The following GAS7 variants were observed in gnomAD, a reference collection of about 807,000 sequenced individuals.
GAS7 encodes growth arrest-specific protein 7.
Under a neutral mutation model 71.1 loss-of-function variants are expected in GAS7, and 28 were observed. The ratio of observed to expected loss-of-function variants is 0.39; its 90% CI spans 0.29 to 0.54. The LOEUF (loss-of-function observed/expected upper bound fraction) is 0.54, where lower values mean the gene tolerates loss of function less well. Among genes scored for constraint, GAS7 ranks in the 20% least tolerant of loss-of-function variants. The pLI is 0.62. For synonymous variants in GAS7, 258 were observed against 245.8 expected (o/e 1.05, Z -0.46); for missense variants, 436 against 627.8 (o/e 0.69, Z 3.27).
intron 1 of GAS7, among the ~76,000 whole-genome samples, chr17:10,191,737 T>C (rs1158990179): frequency 6.6e-6 from 1 of 151,370 alleles, no homozygotes; most frequent in Non-Finnish European, 1.5e-5. Context: ...TAGCCAGGCA[T>C]GGTGGTGGAA....
At chr17:9,945,825 A>C (rs1043281615) in intron 6 of GAS7, among the ~76,000 whole-genome samples, 27 of 151,928 alleles carry the variant, frequency 1.8e-4, no homozygotes, top group African/African-American at 6.3e-4. Flanking sequence ...ATAAAATAAA[A>C]TACAAAAAAT....
In GAS7 at chr17:9,934,204, C is replaced by T; in HGVS notation, c.847G>A (p.Ala283Thr). 6.2e-7 allele frequency: 1 copy of T among 1,613,234 alleles called. No homozygotes were observed. The highest frequency in any genetic ancestry group is 8.5e-7 in the Non-Finnish European group (1 of 1,179,324). Residue 283 changes from alanine (A) to threonine (T), a missense_variant, in exon 9 of 14, where the codon GCG (alanine) becomes ACG (threonine). By Grantham distance (58) the Ala-to-Thr change is moderately conservative (BLOSUM62 0). Transcript: ENST00000432992. ...EAWAQVKKSLADEAEVHLKFS... is the reference protein window; with the variant it reads ...EAWAQVKKSLTDEAEVHLKFS... ...TTGAGGTGAACTTCTGCTTCGTCCGCCAGGCTCTTCTTCACCTGGGCCCAC... is the reference window on the plus strand; with the variant it reads ...TTGAGGTGAACTTCTGCTTCGTCCGTCAGGCTCTTCTTCACCTGGGCCCAC...
chr17:10,185,661 T>A (rs77154194), intron 1 of GAS7, among the ~76,000 whole-genome samples: 9,524 of 152,252 alleles, frequency 0.063, 492 homozygotes, highest in East Asian at 0.18. Flanking sequence ...TAAGTGACAC[T>A]ACTTGACATA....
At chr17:9,979,257 T>G (rs1472734271) in intron 3 of GAS7, among the ~76,000 whole-genome samples, 1 of 152,178 alleles carries the variant, frequency 6.6e-6, no homozygotes, top group Non-Finnish European at 1.5e-5. Flanking sequence ...ATCCCAAGGA[T>G]TCCACCTTAG....
At chr17:10,031,489 C>T (rs939559013) in intron 1 of GAS7, among the ~76,000 whole-genome samples, 1 of 152,176 alleles carries the variant, frequency 6.6e-6, no homozygotes, top group Non-Finnish European at 1.5e-5. Context: ...ATGAGTTGGA[C>T]GGCCCCTCCT....
intron 6 of GAS7, among the ~76,000 whole-genome samples, chr17:9,944,207 TG>T (rs2068708748): frequency 6.6e-6 from 1 of 152,234 alleles, no homozygotes; most frequent in Non-Finnish European, 1.5e-5. Flanking sequence ...CGCACGGCCG[TG>T]GCTGCTGGAG....
chr17:10,171,612 T>C (rs78369209), intron 1 of GAS7, among the ~76,000 whole-genome samples: 4,381 of 152,274 alleles, frequency 0.029, 224 homozygotes, highest in African/African-American at 0.1. Context: ...GCATAAGGAT[T>C]CATTTCCCAT....
At chr17:9,931,922 G>A (rs573174876) in intron 9 of GAS7, among the ~76,000 whole-genome samples, 1 of 152,224 alleles carries the variant, frequency 6.6e-6, no homozygotes, top group African/African-American at 2.4e-5. Context: ...GGGGTACATC[G>A]TATGGGATCC....
chr17:9,930,665 T>TA (rs138409687), intron 9 of GAS7, among the ~76,000 whole-genome samples: 317 of 152,320 alleles, frequency 2.1e-3, no homozygotes, highest in African/African-American at 7.4e-3. Flanking sequence ...TTGCATTTCT[T>TA]AAAGAGCTTT....
intron 1 of GAS7, among the ~76,000 whole-genome samples, chr17:10,055,550 A>C (rs2073124909): frequency 6.6e-6 from 1 of 152,088 alleles, no homozygotes; most frequent in East Asian, 1.9e-4. Context: ...ACCCCACTGA[A>C]AACCCGTCCC....
rs1304722798 is a variant in GAS7 at position 10,103,774 on chromosome 17, C to T, written c.184-83877G>A. Among the ~76,000 whole-genome samples, 8 of 150,394 alleles carry T rather than the reference C, an allele frequency of 5.3e-5. No homozygotes were observed. The East Asian group carries it at 5.9e-4, about 11-fold the overall frequency. ...CTGGGAGGCAGAGGTTGCAGTGAGC[C>T]AAGATCTCACCATTGCACTCCAGCC... On this transcript the variant is annotated intron_variant, in intron 1 of 13. Coordinates refer to ENST00000432992, the MANE Select transcript of GAS7 (RefSeq NM_201433.2). This position sits in a 1 kb window ranked among gnomAD's most constrained non-coding sequence, Gnocchi z 5.5.
At chr17:9,967,568 T>C (rs113434900) in intron 4 of GAS7, among the ~76,000 whole-genome samples, 1 of 39,572 alleles carries the variant, frequency 2.5e-5, no homozygotes, top group African/African-American at 1.1e-4. Context: ...AAGTATAGAT[T>C]TCCTTCTGCC....
At chr17:9,940,900 C>T (rs183760161) in intron 7 of GAS7, among the ~76,000 whole-genome samples, 1 of 152,334 alleles carries the variant, frequency 6.6e-6, no homozygotes, top group East Asian at 1.9e-4. Context: ...TTGTTCACCA[C>T]CTAAGTGGTC....
intron 1 of GAS7, among the ~76,000 whole-genome samples, chr17:10,100,971 A>C (rs739354): frequency 0.13 from 20,375 of 152,136 alleles, 1,597 homozygotes; most frequent in Non-Finnish European, 0.17. Flanking sequence ...TTAGCGACTT[A>C]AAACAACAGT....
intron 1 of GAS7, among the ~76,000 whole-genome samples, chr17:10,106,192 G>A (rs144988585): frequency 6.6e-6 from 1 of 152,172 alleles, no homozygotes; most frequent in Non-Finnish European, 1.5e-5. Flanking sequence ...TTCCTACCTC[G>A]GTGCTGCTGG....
At chr17:10,035,464 A>C (rs555345807) in intron 1 of GAS7, among the ~76,000 whole-genome samples, 5 of 152,290 alleles carry the variant, frequency 3.3e-5, no homozygotes, top group Admixed American at 1.3e-4. Flanking sequence ...GTCCTAGGTC[A>C]ACTAACCCGT....
intron 5 of GAS7, among the ~76,000 whole-genome samples, chr17:9,952,918 C>A (rs1195666204): frequency 6.6e-6 from 1 of 152,026 alleles, no homozygotes; most frequent in African/African-American, 2.4e-5. Context: ...TTAGTTCAAC[C>A]ATGTGGAAAG....
intron 2 of GAS7, among the ~76,000 whole-genome samples, chr17:9,985,133 C>G (rs2070593972): frequency 6.6e-6 from 1 of 152,160 alleles, no homozygotes; most frequent in South Asian, 2.1e-4. Flanking sequence ...GGAGATGCCC[C>G]TCCATCACGT....
chr17:10,052,439 G>T (rs531272277), intron 1 of GAS7, among the ~76,000 whole-genome samples: 1 of 152,286 alleles, frequency 6.6e-6, no homozygotes, highest in African/African-American at 2.4e-5. Context: ...TAAGAGGGTG[G>T]GTAGGAAACT....
Sources: gnomAD v4.1 joint callset for allele counts (sites outside exome capture counted in the v4.1 genomes callset) on GRCh38, gnomAD v4.1.1 for gene constraint, Gnocchi (gnomAD v3.1) non-coding constraint, MANE v1.5 for transcripts, NCBI Gene and HGNC (gene_info 2026-07-23, HGNC 2026-07-21) for gene names.